Variants in CDH20 observed in about 807,000 individuals in gnomAD.
CDH20 encodes cadherin 20.
Under a neutral mutation model 74.2 loss-of-function variants are expected in CDH20, and 29 were observed. That is an observed-to-expected ratio of 0.39 (90% CI 0.29 to 0.53). The LOEUF is 0.53. Ranked by LOEUF, CDH20 falls within the 20% of genes least tolerant of loss-of-function variation. CDH20 has a pLI of 0.69. For synonymous variants in CDH20, 469 were observed against 405.4 expected (o/e 1.16, Z -1.88); for missense variants, 988 against 1,048.3 (o/e 0.94, Z 0.79).
intron 2 of CDH20, among the ~76,000 whole-genome samples, chr18:61,496,551 A>G (rs1911168871): frequency 6.6e-6 from 1 of 152,130 alleles, no homozygotes; most frequent in Non-Finnish European, 1.5e-5. Flanking sequence ...CCCAGACTCC[A>G]GGGCACCAGC....
intron 10 of CDH20, among the ~76,000 whole-genome samples, chr18:61,546,038 G>T (rs1342613358): frequency 6.6e-6 from 1 of 152,110 alleles, no homozygotes; most frequent in East Asian, 1.9e-4. Context: ...AAAAAGGTCA[G>T]GGCAATGGAA....
intron 1 of CDH20, among the ~76,000 whole-genome samples, chr18:61,438,857 G>C (rs113143233): frequency 0.015 from 2,354 of 152,074 alleles, 62 homozygotes; most frequent in African/African-American, 0.053. Context: ...ATCAACCCAG[G>C]TACCCATCAA....
Position 61,443,190 on chromosome 18 carries a change from G to C in CDH20, c.-152-47212G>C, listed in dbSNP as rs55889446. ...ATTGTGCTTGTTCAGTGAGCCCACT[G>C]ATCCTTAGGGGTTTTGAAATCAAAT... On this transcript the variant is annotated intron_variant, in intron 1 of 11. Transcript: ENST00000262717. Among the ~76,000 whole-genome samples the C allele has an allele frequency of 2.2e-3, 330 of 152,252 alleles. 1 individual carries two copies. The highest frequency in any genetic ancestry group is 7.6e-3 in the African/African-American group (314 of 41,560).
intron 7 of CDH20, among the ~76,000 whole-genome samples, chr18:61,535,372 G>A (rs1337915052): frequency 3.3e-5 from 5 of 151,878 alleles, no homozygotes; most frequent in Admixed American, 3.3e-4. Flanking sequence ...CCTTTACCAA[G>A]GACTACATAA....
At chr18:61,407,886 C>T (rs75788978) in intron 1 of CDH20, among the ~76,000 whole-genome samples, 4,259 of 152,186 alleles carry the variant, frequency 0.028, 220 homozygotes, top group African/African-American at 0.097. Flanking sequence ...GTATCCTGGA[C>T]CAGAAACTTT....
chr18:61,435,254 A>G (rs1908793350), intron 1 of CDH20, among the ~76,000 whole-genome samples: 1 of 152,106 alleles, frequency 6.6e-6, no homozygotes, highest in South Asian at 2.1e-4. Context: ...GCCCATTACA[A>G]AATACTGCCT....
intron 1 of CDH20, among the ~76,000 whole-genome samples, chr18:61,461,734 A>C (rs755278579): frequency 6.6e-6 from 1 of 152,338 alleles, no homozygotes; most frequent in Non-Finnish European, 1.5e-5. Flanking sequence ...CAGGCCAAGT[A>C]GAGGGGCTCA....
At chr18:61,429,363 T>C (rs1032194648) in intron 1 of CDH20, among the ~76,000 whole-genome samples, 1 of 152,202 alleles carries the variant, frequency 6.6e-6, no homozygotes, top group Non-Finnish European at 1.5e-5. Flanking sequence ...GAGTTGCATT[T>C]CCTCTCACAG....
chr18:61,547,465 T>C (rs536763368), intron 10 of CDH20, among the ~76,000 whole-genome samples: 1 of 152,216 alleles, frequency 6.6e-6, no homozygotes, highest in Admixed American at 6.5e-5. Flanking sequence ...TTTTTTACTT[T>C]TCAGCCCCAA....
chr18:61,398,132 C>T (rs747109458), intron 1 of CDH20, among the ~76,000 whole-genome samples: 4 of 152,090 alleles, frequency 2.6e-5, no homozygotes, highest in Non-Finnish European at 4.4e-5. Flanking sequence ...CCTGTGTAGC[C>T]ATCTAGCAAT....
At chr18:61,542,379 A>C (rs1044267995) in intron 9 of CDH20, among the ~76,000 whole-genome samples, 1 of 152,180 alleles carries the variant, frequency 6.6e-6, no homozygotes, top group East Asian at 1.9e-4. Flanking sequence ...CCTGAGATGG[A>C]GTTCCAGTAT....
intron 6 of CDH20, among the ~76,000 whole-genome samples, chr18:61,512,900 G>T (rs929281910): frequency 6.6e-6 from 1 of 152,116 alleles, no homozygotes; most frequent in African/African-American, 2.4e-5. Context: ...TTTTACATTT[G>T]CTGAGGAGAG....
chr18:61,538,887 C>G (rs1040319307), intron 8 of CDH20, 137 bp from the exon 9 acceptor site: 13 of 873,474 alleles, frequency 1.5e-5, no homozygotes, highest in Non-Finnish European at 2.0e-5. Flanking sequence ...CCGCCTCGGC[C>G]TCCCAAAGTG....
intron 1 of CDH20, among the ~76,000 whole-genome samples, chr18:61,455,819 G>C (rs1404903355): frequency 6.6e-6 from 1 of 152,212 alleles, no homozygotes; most frequent in Non-Finnish European, 1.5e-5. Context: ...TTATCATAAA[G>C]AGTGAACCTT....
intron 9 of CDH20, among the ~76,000 whole-genome samples, chr18:61,543,371 G>T (rs1343140410): frequency 6.6e-6 from 1 of 152,206 alleles, no homozygotes; most frequent in Non-Finnish European, 1.5e-5. Flanking sequence ...CCCAAGATGG[G>T]TAGGAATAGT....
chr18:61,402,729 G>A (rs1002322058), intron 1 of CDH20, among the ~76,000 whole-genome samples: 25 of 152,190 alleles, frequency 1.6e-4, no homozygotes, highest in Non-Finnish European at 7.3e-5. Context: ...AACAGCTAGA[G>A]AAATTTGAGC....
intron 1 of CDH20, among the ~76,000 whole-genome samples, chr18:61,474,440 C>A (rs1322263012): frequency 6.6e-6 from 1 of 152,054 alleles, no homozygotes; most frequent in African/African-American, 2.4e-5. Flanking sequence ...TTCTTTGAAC[C>A]TGCTCCAAGT....
intron 1 of CDH20, among the ~76,000 whole-genome samples, chr18:61,482,553 C>T (rs949660248): frequency 8.5e-5 from 13 of 152,198 alleles, no homozygotes; most frequent in African/African-American, 2.4e-4. Context: ...CACTACTAAA[C>T]AGAGATTTAT....
At chr18:61,398,406 T>G (rs1243238959) in intron 1 of CDH20, among the ~76,000 whole-genome samples, 1 of 152,172 alleles carries the variant, frequency 6.6e-6, no homozygotes, top group East Asian at 1.9e-4. Context: ...TATGTACATA[T>G]TTACTCAAGT....
Sources: allele counts gnomAD v4.1 joint callset (sites outside exome capture counted in the v4.1 genomes callset), GRCh38; gene constraint gnomAD v4.1.1; transcripts MANE v1.5; gene names NCBI Gene and HGNC (gene_info 2026-07-23, HGNC 2026-07-21).